CALN1: variants seen among roughly 807,000 people sequenced by gnomAD.
The protein encoded by CALN1 is calcium-binding protein 8.
Under a neutral mutation model 30.6 loss-of-function variants are expected in CALN1, and 17 were observed. That is an observed-to-expected ratio of 0.56 (90% confidence interval 0.38 to 0.83). The LOEUF is 0.83. Among genes scored for constraint, CALN1 ranks in the 40% least tolerant of loss-of-function variants. The pLI is 0.00. For missense variants in CALN1, 291 were observed against 354.9 expected, an observed-to-expected ratio of 0.82 and a Z score of 1.45; for synonymous variants, 156 against 131.4, an observed-to-expected ratio of 1.19 and a Z score of -1.28.
chr7:71,910,843 T>C (rs1406941024), intron 5 of CALN1, among the ~76,000 whole-genome samples: 2 of 152,274 alleles, frequency 1.3e-5, no homozygotes, highest in Non-Finnish European at 2.9e-5. Context: ...TCCCAATGTA[T>C]TGCTTTTGTG....
At chr7:72,146,098 C>A (rs1786693399) in intron 3 of CALN1, among the ~76,000 whole-genome samples, 1 of 152,154 alleles carries the variant, frequency 6.6e-6, no homozygotes. Context: ...TCCTATTCAA[C>A]ATAGCGTTGG....
At position 72,335,574 on chromosome 7, in the gene CALN1, C is replaced by T. The variant is rs1215001504; in HGVS notation, c.120-56764G>A. ...GCGCTAAGCTGCTATTCCCTGAGCC[C>T]AAAAAAGTCTCCTTTTTTGCAGAAA... On this transcript the variant is annotated intron_variant, in intron 2 of 6. Transcript: ENST00000395275. 3.3e-5 allele frequency among the ~76,000 whole-genome samples: 5 copies of T among 152,278 alleles called. No homozygotes were observed. In the East Asian group the frequency reaches 5.8e-4, roughly 18 times the overall value.
chr7:72,125,796 A>ACTCT (rs1332040139), intron 3 of CALN1, among the ~76,000 whole-genome samples: 3 of 93,226 alleles, frequency 3.2e-5, no homozygotes, highest in Non-Finnish European at 6.7e-5. Flanking sequence ...CCACTGTATC[A>ACTCT]TTCTTTTTTT....
chr7:72,322,307 G>A (rs771571239), intron 2 of CALN1, among the ~76,000 whole-genome samples: 17 of 152,210 alleles, frequency 1.1e-4, no homozygotes, highest in East Asian at 3.9e-4. Context: ...GACAGGAGGC[G>A]GAGCTCAGGT....
rs1318884951 is a variant in CALN1, at chr7:71,860,527, CT to C, written c.502-50036del. ...TTTATTCCTTTACTTTCTTAATAAACTTTCTTTCACTTTACTCTATGGACTT... is the reference window on the plus strand; with the variant it reads ...TTTATTCCTTTACTTTCTTAATAAACTTCTTTCACTTTACTCTATGGACTT... On this transcript the variant is annotated intron_variant, in intron 5 of 6. Transcript: ENST00000395275. Among the ~76,000 whole-genome samples, 7 of 152,220 alleles carry C rather than the reference CT, an allele frequency of 4.6e-5. No individual in the cohort carries two copies. The South Asian group carries it at 1.5e-3, about 32-fold the overall frequency.
chr7:72,184,554 G>T (rs1047100451), intron 3 of CALN1, among the ~76,000 whole-genome samples: 1 of 152,202 alleles, frequency 6.6e-6, no homozygotes, highest in Non-Finnish European at 1.5e-5. Context: ...GCTCTGATTA[G>T]TATTACATCA....
intron 2 of CALN1, among the ~76,000 whole-genome samples, chr7:72,299,309 C>G (rs909104973): frequency 6.6e-6 from 1 of 152,148 alleles, no homozygotes; most frequent in South Asian, 2.1e-4. Flanking sequence ...ATTATGTCCA[C>G]TATTAAATAA....
rs1344171677 is a variant in CALN1, at chr7:72,098,760, GCGCGCACACACA to G, written c.388+7379_388+7390del. Among the ~76,000 whole-genome samples, 97 of 101,366 alleles carry G rather than the reference GCGCGCACACACA, an allele frequency of 9.6e-4. 2 individuals carry two copies. In the South Asian group the frequency reaches 0.021, roughly 22 times the overall value. 66.5% of individuals were successfully genotyped at this position (101,366 alleles called of 152,430 possible). ...AACTCTGAGCAGTTCAGCCCATTTG[GCGCGCACACACA>G]CACACACACACACACACACACACAC... On this transcript the variant is annotated intron_variant, in intron 4 of 6. Transcript: ENST00000395275.
At chr7:72,105,737 G>GGAGGAA (rs1807043914) in intron 4 of CALN1, among the ~76,000 whole-genome samples, 2 of 146,658 alleles carry the variant, frequency 1.4e-5, no homozygotes, top group Admixed American at 1.4e-4. Context: ...AAGAGGAGGA[G>GGAGGAA]GAGGAAGAGG....
chr7:72,404,081 TC>T (rs2129562189), intron 1 of CALN1, among the ~76,000 whole-genome samples: 1 of 152,220 alleles, frequency 6.6e-6, no homozygotes, highest in South Asian at 2.1e-4. Flanking sequence ...TCTTTCTACC[TC>T]TCTCTGGTAT....
intron 6 of CALN1, among the ~76,000 whole-genome samples, chr7:71,804,338 G>A (rs1161928629): frequency 6.6e-6 from 1 of 151,930 alleles, no homozygotes; most frequent in Non-Finnish European, 1.5e-5. Context: ...GCAAGACCCT[G>A]TTTCTACAAA....
chr7:72,225,519 C>T (rs1339762617), intron 3 of CALN1, among the ~76,000 whole-genome samples: 27 of 151,982 alleles, frequency 1.8e-4, no homozygotes, highest in African/African-American at 2.4e-5. Context: ...TTTCAGTTTT[C>T]TGTGCCAAAG....
intron 3 of CALN1, among the ~76,000 whole-genome samples, chr7:72,223,418 T>C (rs1216195003): frequency 1.3e-5 from 2 of 152,142 alleles, no homozygotes; most frequent in East Asian, 1.9e-4. Flanking sequence ...CTAACTAGTA[T>C]GGAAGGTGAT....
At chr7:72,206,957 C>A (rs1027769535) in intron 3 of CALN1, among the ~76,000 whole-genome samples, 2 of 152,114 alleles carry the variant, frequency 1.3e-5, no homozygotes, top group East Asian at 3.8e-4. Flanking sequence ...GTAATCTTCC[C>A]AAATATAGAC....
Position 71,798,123 on chromosome 7 carries a change from C to CAGAG in CALN1, c.659-10225_659-10222dup, listed in dbSNP as rs3973907. On this transcript the variant is annotated intron_variant, in intron 6 of 6. Transcript: ENST00000395275. ...AGACAGAGAGAGACAGAGACAGAGA[C>CAGAG]AGAGAGAGAGAGAGAGAGAGAGAGA... 6.9e-3 allele frequency among the ~76,000 whole-genome samples: 493 copies of CAGAG among 70,960 alleles called. 6 individuals are homozygous for CAGAG. Among genetic ancestry groups the CAGAG allele is most frequent in the Admixed American group, 0.012 (79 of 6,778 alleles). The allele number at this position is 70,960 out of a possible 152,430, so 46.6% of individuals were successfully genotyped here.
At chr7:72,199,856 C>T (rs1791298354) in intron 3 of CALN1, among the ~76,000 whole-genome samples, 1 of 151,964 alleles carries the variant, frequency 6.6e-6, no homozygotes, top group Non-Finnish European at 1.5e-5. Flanking sequence ...ACAACAAAAT[C>T]CACAACTGAG....
intron 2 of CALN1, among the ~76,000 whole-genome samples, chr7:72,331,249 C>CG (rs1432427197): frequency 6.6e-6 from 1 of 151,922 alleles, no homozygotes; most frequent in Non-Finnish European, 1.5e-5. Context: ...ACTCAAGAGG[C>CG]GGGGGCAGAA....
At chr7:72,451,099 A>G (rs1233905625), upstream of CALN1, among the ~76,000 whole-genome samples, 1 of 151,388 alleles carries the variant, frequency 6.6e-6, no homozygotes, top group Non-Finnish European at 1.5e-5. Context: ...GAGGAGGGGG[A>G]GGAGAAGAAA....
At chr7:72,368,471 T>C (rs1804017626) in intron 2 of CALN1, among the ~76,000 whole-genome samples, 1 of 152,018 alleles carries the variant, frequency 6.6e-6, no homozygotes, top group Non-Finnish European at 1.5e-5. Context: ...TGTGTATCAT[T>C]CAAATTTTCC....
Sources: gnomAD v4.1 joint callset for allele counts (sites outside exome capture counted in the v4.1 genomes callset) on GRCh38, gnomAD v4.1.1 for gene constraint, MANE v1.5 for transcripts, NCBI Gene and HGNC (gene_info 2026-07-23, HGNC 2026-07-21) for gene names.